Variants in AFG2A observed in about 807,000 individuals in gnomAD.
AFG2A encodes the protein ATPase family gene 2 protein homolog A.
the AFG2A span, among the ~76,000 whole-genome samples, chr4:123,126,513 A>G: frequency 0.1 from 15,627 of 152,214 alleles, 909 homozygotes; most frequent in Middle Eastern, 0.2. Context: ...CCAAAATCTC[A>G]TCTCAAATTA....
chr4:123,172,716 T>C, the AFG2A span, among the ~76,000 whole-genome samples: 1 of 152,208 alleles, frequency 6.6e-6, no homozygotes, highest in Non-Finnish European at 1.5e-5. Context: ...GAAGTATAAA[T>C]ACTTTAAAGA....
At chr4:123,307,218 C>A in the AFG2A span, among the ~76,000 whole-genome samples, 2 of 152,102 alleles carry the variant, frequency 1.3e-5, no homozygotes, top group African/African-American at 4.8e-5. Flanking sequence ...TGTTGCCCAG[C>A]GTGGCCTTGA....
chr4:122,926,582 G>A, the AFG2A span, among the ~76,000 whole-genome samples: 1 of 152,100 alleles, frequency 6.6e-6, no homozygotes, highest in Non-Finnish European at 1.5e-5. Flanking sequence ...AATCATATGG[G>A]TACCTTATGG....
At chr4:122,964,553 C>A in the AFG2A span, among the ~76,000 whole-genome samples, 1 of 150,914 alleles carries the variant, frequency 6.6e-6, no homozygotes. Context: ...ATAGAATAAT[C>A]GACTACTCTT....
chr4:123,182,712 T>A, the AFG2A span, among the ~76,000 whole-genome samples: 1 of 152,196 alleles, frequency 6.6e-6, no homozygotes, highest in Non-Finnish European at 1.5e-5. Flanking sequence ...ACTGGATAGG[T>A]TCTGTCCAAT....
the AFG2A span, among the ~76,000 whole-genome samples, chr4:123,122,104 A>C: frequency 6.6e-6 from 1 of 152,138 alleles, no homozygotes; most frequent in South Asian, 2.1e-4. Context: ...ATCACCCTGT[A>C]GTTTCAATAT....
chr4:123,273,451 A>G, the AFG2A span, among the ~76,000 whole-genome samples: 21 of 152,158 alleles, frequency 1.4e-4, no homozygotes, highest in African/African-American at 4.3e-4. Context: ...TGTAATTAAT[A>G]TAGATATATT....
At chr4:122,936,197 G>T in the AFG2A span, 6 of 1,518,134 alleles carry the variant, frequency 4.0e-6, no homozygotes, top group Non-Finnish European at 5.4e-6. Flanking sequence ...AATAATCAAG[G>T]CTGTATTAGT....
the AFG2A span, among the ~76,000 whole-genome samples, chr4:123,234,293 A>G: frequency 6.6e-6 from 1 of 152,114 alleles, no homozygotes; most frequent in Non-Finnish European, 1.5e-5. Flanking sequence ...CTTAATGCTT[A>G]CTACCACTCT....
chr4:123,160,253 AAAT>A, the AFG2A span, among the ~76,000 whole-genome samples: 1 of 152,132 alleles, frequency 6.6e-6, no homozygotes, highest in African/African-American at 2.4e-5. Flanking sequence ...CATCCTTAAA[AAAT>A]AATAATAATA....
chr4:123,071,717 G>A, the AFG2A span, among the ~76,000 whole-genome samples: 3 of 151,992 alleles, frequency 2.0e-5, no homozygotes, highest in African/African-American at 7.3e-5. Context: ...AAGGTAACTT[G>A]TGTGTCTTTC....
chr4:123,082,997 G>T, the AFG2A span, among the ~76,000 whole-genome samples: 2 of 152,056 alleles, frequency 1.3e-5, no homozygotes, highest in Non-Finnish European at 2.9e-5. Flanking sequence ...TACTTCATAG[G>T]TTAACCTTGT....
chr4:123,205,588 A>G, the AFG2A span, among the ~76,000 whole-genome samples: 1 of 152,152 alleles, frequency 6.6e-6, no homozygotes, highest in African/African-American at 2.4e-5. Context: ...GATTTTAAGT[A>G]TAGGGAGGAT....
the AFG2A span, among the ~76,000 whole-genome samples, chr4:122,962,180 T>C: frequency 6.6e-6 from 1 of 152,214 alleles, no homozygotes; most frequent in Admixed American, 6.5e-5. Context: ...TAATGCTTGC[T>C]CGCCTGCTGC....
chr4:122,925,223 A>G, the AFG2A span, among the ~76,000 whole-genome samples: 9 of 152,090 alleles, frequency 5.9e-5, no homozygotes, highest in African/African-American at 2.2e-4. Flanking sequence ...TCTGCATGCC[A>G]TTCCCACTGT....
the AFG2A span, among the ~76,000 whole-genome samples, chr4:122,941,863 A>G: frequency 2.0e-5 from 3 of 151,752 alleles, no homozygotes; most frequent in Non-Finnish European, 4.4e-5. Context: ...ATTTTGTCAA[A>G]GGCCTTTTCT....
chr4:123,141,331 C>T, the AFG2A span, among the ~76,000 whole-genome samples: 8 of 152,190 alleles, frequency 5.3e-5, no homozygotes, highest in East Asian at 7.7e-4. Flanking sequence ...GGCATGGTGG[C>T]GTGGGCCTGT....
the AFG2A span, among the ~76,000 whole-genome samples, chr4:123,263,699 A>G: frequency 3.3e-5 from 5 of 152,208 alleles, no homozygotes; most frequent in Non-Finnish European, 1.5e-5. Context: ...TAATCAAAAA[A>G]TCAAAAAATA....
the AFG2A span, among the ~76,000 whole-genome samples, chr4:123,190,084 GAC>G: frequency 6.6e-6 from 1 of 152,120 alleles, no homozygotes; most frequent in East Asian, 1.9e-4. Context: ...ACAGGTGTGA[GAC>G]ACCACGCCCA....
Sources: gnomAD v4.1 joint callset for allele counts (sites outside exome capture counted in the v4.1 genomes callset) on GRCh38, gnomAD v4.1.1 for gene constraint, MANE v1.5 for transcripts, NCBI Gene and HGNC (gene_info 2026-07-23, HGNC 2026-07-21) for gene names.